KLRK1: variants seen among roughly 807,000 people sequenced by gnomAD.
KLRK1 encodes the protein NKG2-D type II integral membrane protein.
Under a neutral mutation model 31.3 loss-of-function variants are expected in KLRK1, and 40 were observed. The observed-to-expected ratio is 1.28, with a 90% confidence interval of 0.99 to 1.67. The LOEUF is 1.67. Among genes scored for constraint, KLRK1 ranks in the 40% most tolerant of loss-of-function variants. KLRK1 has a pLI of 0.00. For missense variants in KLRK1, 251 were observed against 260.0 expected (o/e 0.97, Z 0.24); for synonymous variants, 77 against 77.3 (o/e 1.00, Z 0.02).
At chr12:10,378,503 C>G (rs765952025) in intron 6 of KLRK1, 51 bp downstream of exon 6, 2 of 1,598,454 alleles carry the variant, frequency 1.3e-6, no homozygotes, top group Non-Finnish European at 1.7e-6. Flanking sequence ...AGTGAGTTGT[C>G]TCAGATGTTA....
chr12:10,389,022 G>A, intron 1 of KLRK1, 147 bp from the exon 2 acceptor site: 10 of 493,566 alleles, frequency 2.0e-5, no homozygotes, highest in East Asian at 3.0e-5. Context: ...CATAAAGCCA[G>A]GCAAAATTAA....
chr12:10,378,773 A>G, intron 5 of KLRK1, 68 bp from the exon 6 acceptor site: 1 of 1,494,600 alleles, frequency 6.7e-7, no homozygotes, highest in Non-Finnish European at 8.9e-7. Context: ...GTCTAGACAA[A>G]TTAAATGCCT....
intron 3 of KLRK1, among the ~76,000 whole-genome samples, chr12:10,386,532 A>C (rs1278463996): frequency 6.6e-6 from 1 of 152,188 alleles, no homozygotes; most frequent in East Asian, 1.9e-4. Context: ...AAACAATTCT[A>C]TAAATAATAA....
chr12:10,378,467 C>T, intron 6 of KLRK1, 87 bp downstream of exon 6: 1 of 1,563,192 alleles, frequency 6.4e-7, no homozygotes, highest in Non-Finnish European at 8.6e-7. Context: ...TCACAGTGTC[C>T]CTTATATGTT....
intron 5 of KLRK1, 51 bp from the exon 6 acceptor site, chr12:10,378,756 A>C: frequency 6.5e-7 from 1 of 1,528,946 alleles, no homozygotes; most frequent in Non-Finnish European, 8.7e-7. Flanking sequence ...CCATTATAGC[A>C]GATTTTGTCT....
chr12:10,381,210 T>C (rs955778878), intron 3 of KLRK1, among the ~76,000 whole-genome samples: 3 of 149,522 alleles, frequency 2.0e-5, no homozygotes, highest in African/African-American at 4.9e-5. Context: ...TCCCACTTTC[T>C]CCAGCAGCAG....
At chr12:10,382,347 A>C (rs1230893624) in intron 3 of KLRK1, among the ~76,000 whole-genome samples, 2 of 152,230 alleles carry the variant, frequency 1.3e-5, no homozygotes, top group Non-Finnish European at 2.9e-5. Flanking sequence ...AGGAAGCAAA[A>C]TTTAAAAAGC....
chr12:10,373,122 T>G lies in KLRK1; in HGVS notation c.643A>C (p.Thr215Pro). ...GAGATGGTTGATCATCTTTACACAG[T>G]CCTTTGCATGCAGATGTACGTATTT... ...TPNTYICMQRTV is the reference protein window; with the variant it reads ...TPNTYICMQRPV Residue 215 changes from threonine (T) to proline (P), a missense_variant, in exon 8 of 8, where the codon ACT becomes CCT. Transcript: ENST00000240618. 2 of 1,612,380 alleles carry G rather than the reference T, an allele frequency of 1.2e-6. No homozygotes were observed. Among genetic ancestry groups the G allele is most frequent in the Non-Finnish European group, 1.7e-6 (2 of 1,179,232 alleles).
In KLRK1 at chr12:10,386,958, T is replaced by G. The variant is rs1863177203; in HGVS notation, c.93A>C (p.Ser31=). Residue 31 remains serine, a synonymous_variant, in exon 3 of 8, where the codon TCA becomes TCC. Transcript: ENST00000240618. ...GACATCTTTGCTTTTGCCATCGTGT[T>G]GAAAAATCACTCTTCTTCAGATCCA... is the stretch of plus-strand genomic sequence containing the variant. ...YNLDLKKSDF[S]TRWQKQRCPV... 1 of 1,611,736 alleles carries G rather than the reference T, an allele frequency of 6.2e-7. No homozygotes were observed. The highest frequency in any genetic ancestry group is 2.2e-5 in the East Asian group (1 of 44,642).
intron 3 of KLRK1, among the ~76,000 whole-genome samples, chr12:10,382,796 T>A (rs1369094877): frequency 6.6e-6 from 1 of 152,136 alleles, no homozygotes; most frequent in Non-Finnish European, 1.5e-5. Flanking sequence ...TAAGAGATAG[T>A]CAATATAAAA....
At position 10,387,030 on chromosome 12, in the gene KLRK1, G is replaced by T; in HGVS notation, c.41-20C>A. 6.3e-7 allele frequency: 1 copy of T among 1,583,030 alleles called. No homozygotes were observed. Among genetic ancestry groups the T allele is most frequent in the Non-Finnish European group, 8.6e-7 (1 of 1,161,520 alleles). On this transcript the variant is annotated intron_variant, in intron 2 of 7. Transcript: ENST00000240618. Reference sequence around the variant, plus strand: ...TCATCTCTAGAGAAAAAGAATTCAGGCTTATATGAGTCATGGCCTTTCTGC... The same window carrying T: ...TCATCTCTAGAGAAAAAGAATTCAGTCTTATATGAGTCATGGCCTTTCTGC...
intron 3 of KLRK1, among the ~76,000 whole-genome samples, chr12:10,384,879 G>A (rs962862129): frequency 2.6e-5 from 4 of 151,850 alleles, no homozygotes; most frequent in African/African-American, 9.7e-5. Flanking sequence ...GAATATACAA[G>A]GAATTCAAAC....
chr12:10,375,865 G>A (rs1427213459), intron 7 of KLRK1, among the ~76,000 whole-genome samples: 14 of 152,120 alleles, frequency 9.2e-5, no homozygotes, highest in Admixed American at 8.5e-4. Flanking sequence ...ACTTAGTCTG[G>A]GTGTGCTGAA....
intron 7 of KLRK1, among the ~76,000 whole-genome samples, 165 bp downstream of exon 7, chr12:10,377,967 C>T (rs1325907268): frequency 2.6e-5 from 4 of 152,226 alleles, no homozygotes; most frequent in African/African-American, 9.6e-5. Flanking sequence ...GGCTGCTCTA[C>T]AACTAATACA....
Position 10,378,150 on chromosome 12 carries a change from G to T in KLRK1, c.515C>A (p.Ser172Tyr), listed in dbSNP as rs200842022. 6.2e-7 allele frequency: 1 copy of T among 1,613,958 alleles called. No individual in the cohort carries two copies. The highest frequency in any genetic ancestry group is 8.5e-7 in the Non-Finnish European group (1 of 1,179,984). ...GACTTACAGGTTGGGTGAGAGAATG[G>T]AGCCATCTTCCCACTGCCAAGATCC... ...TNGSWQWEDG[S>Y]ILSPNLLTII... Residue 172 changes from serine to tyrosine, a missense_variant, in exon 7 of 8, where the codon TCC becomes TAC. Ser to Tyr is a moderately radical substitution (Grantham distance 144, BLOSUM62 -2). Transcript: ENST00000240618.
At chr12:10,389,322 T>C (rs1160954449) in intron 1 of KLRK1, among the ~76,000 whole-genome samples, 1 of 152,172 alleles carries the variant, frequency 6.6e-6, no homozygotes. Flanking sequence ...AATGTCCTTT[T>C]CTAGTGCATT....
chr12:10,384,725 C>T (rs1160681644), intron 3 of KLRK1, among the ~76,000 whole-genome samples: 2 of 151,948 alleles, frequency 1.3e-5, no homozygotes, highest in African/African-American at 4.8e-5. Flanking sequence ...GTACAGGCAA[C>T]AAAAGCAAAA....
intron 6 of KLRK1, 50 bp downstream of exon 6, chr12:10,378,504 T>A (rs1863006084): frequency 6.3e-7 from 1 of 1,598,658 alleles, no homozygotes; most frequent in African/African-American, 1.4e-5. Flanking sequence ...GTGAGTTGTC[T>A]CAGATGTTAG....
Position 10,373,077 on chromosome 12 carries a change from C to A in KLRK1, c.*37G>T, listed in dbSNP as rs1862892621. The A allele has an allele frequency of 1.9e-6, 3 of 1,584,378 alleles. No individual in the cohort carries two copies. In the South Asian group the frequency reaches 3.4e-5, roughly 18 times the overall value. On this transcript the variant is annotated 3_prime_UTR_variant, in exon 8 of 8. Coordinates refer to ENST00000240618, the MANE Select transcript of KLRK1 (RefSeq NM_007360.4). ...AGTGTTACCGCTGGTGTAATCTCTTCTCTGTTCCTGGCTTTTATTGAGATG... is the reference window on the plus strand; with the variant it reads ...AGTGTTACCGCTGGTGTAATCTCTTATCTGTTCCTGGCTTTTATTGAGATG...
Sources: allele counts gnomAD v4.1 joint callset (sites outside exome capture counted in the v4.1 genomes callset), GRCh38; gene constraint gnomAD v4.1.1; transcripts MANE v1.5; gene names NCBI Gene and HGNC (gene_info 2026-07-23, HGNC 2026-07-21).